Variants in ATP9B observed in about 807,000 individuals in gnomAD.
ATP9B encodes probable phospholipid-transporting ATPase IIB.
A neutral mutation model predicts 146.1 loss-of-function variants in ATP9B; 110 were observed. The ratio of observed to expected loss-of-function variants is 0.75; its 90% CI spans 0.65 to 0.88. The LOEUF (loss-of-function observed/expected upper bound fraction) is 0.88, where lower values mean the gene tolerates loss of function less well. Among genes scored for constraint, ATP9B ranks in the 40% least tolerant of loss-of-function variants. ATP9B has a pLI of 0.00. For synonymous variants in ATP9B, 604 were observed against 569.7 expected, an observed-to-expected ratio of 1.06 and a Z score of -0.86; for missense variants, 1,499 against 1,496.4, an observed-to-expected ratio of 1.00 and a Z score of -0.03.
chr18:79,213,621 C>T (rs1356000599), intron 10 of ATP9B, among the ~76,000 whole-genome samples: 2 of 152,054 alleles, frequency 1.3e-5, no homozygotes, highest in East Asian at 3.8e-4. Context: ...AGGATATAGC[C>T]TCTTAATTGA....
At chr18:79,290,085 G>A (rs1178338421) in intron 13 of ATP9B, among the ~76,000 whole-genome samples, 1 of 152,072 alleles carries the variant, frequency 6.6e-6, no homozygotes, top group Admixed American at 6.6e-5. Context: ...ACTTGAGGAG[G>A]CAGTCTGCCC....
At chr18:79,217,103 C>T (rs1376338568) in intron 11 of ATP9B, among the ~76,000 whole-genome samples, 2 of 152,384 alleles carry the variant, frequency 1.3e-5, no homozygotes, top group East Asian at 1.9e-4. Context: ...AGCCGTGACA[C>T]GTCTCAAGAC....
At chr18:79,084,755 G>A (rs1430677630) in intron 1 of ATP9B, among the ~76,000 whole-genome samples, 2 of 152,070 alleles carry the variant, frequency 1.3e-5, no homozygotes, top group Non-Finnish European at 2.9e-5. Context: ...TGTACTTATT[G>A]TATTTTAAAA....
chr18:79,182,085 G>C (rs918173703), intron 8 of ATP9B, among the ~76,000 whole-genome samples: 1 of 152,160 alleles, frequency 6.6e-6, no homozygotes, highest in African/African-American at 2.4e-5. Flanking sequence ...ATGTCTTCAA[G>C]GCTTGTCCTT....
chr18:79,075,300 T>C (rs1375821210), intron 1 of ATP9B, among the ~76,000 whole-genome samples: 2 of 152,232 alleles, frequency 1.3e-5, no homozygotes, highest in Non-Finnish European at 2.9e-5. Flanking sequence ...AGTAGGCACA[T>C]GCCAACATGC....
chr18:79,128,231 T>G (rs778169499), intron 5 of ATP9B, among the ~76,000 whole-genome samples: 1 of 149,686 alleles, frequency 6.7e-6, no homozygotes, highest in Non-Finnish European at 1.5e-5. Flanking sequence ...GGTGATTTTT[T>G]GTATTTTTAG....
intron 13 of ATP9B, among the ~76,000 whole-genome samples, chr18:79,303,103 C>CA (rs1313307930): frequency 6.6e-6 from 1 of 152,216 alleles, no homozygotes; most frequent in Non-Finnish European, 1.5e-5. Context: ...GCTGCGTGTG[C>CA]AGTGGCTCAC....
At chr18:79,173,721 C>T in intron 7 of ATP9B, 1 of 456,044 alleles carries the variant, frequency 2.2e-6, no homozygotes, top group South Asian at 1.5e-5. Flanking sequence ...ATCTTGATTA[C>T]TGCAGCCATC....
At chr18:79,301,779 G>A (rs2096592196) in intron 13 of ATP9B, among the ~76,000 whole-genome samples, 1 of 152,204 alleles carries the variant, frequency 6.6e-6, no homozygotes, top group Admixed American at 6.5e-5. Context: ...CTATAGAACT[G>A]AGAAGCATCT....
At chr18:79,300,973 G>A (rs969796726) in intron 13 of ATP9B, among the ~76,000 whole-genome samples, 1 of 152,128 alleles carries the variant, frequency 6.6e-6, no homozygotes, top group African/African-American at 2.4e-5. Context: ...TTCACACTAA[G>A]AGAGAAAAGT....
chr18:79,141,726 TTC>T (rs1207095227), intron 5 of ATP9B, among the ~76,000 whole-genome samples: 1 of 152,228 alleles, frequency 6.6e-6, no homozygotes, highest in Non-Finnish European at 1.5e-5. Context: ...TGGGAGATTT[TTC>T]TGTTTTTACC....
At chr18:79,136,290 C>T (rs958722845) in intron 5 of ATP9B, among the ~76,000 whole-genome samples, 4 of 152,084 alleles carry the variant, frequency 2.6e-5, no homozygotes, top group Admixed American at 1.3e-4. Flanking sequence ...AATCTTTTGA[C>T]CCATGTGTGA....
intron 12 of ATP9B, among the ~76,000 whole-genome samples, chr18:79,258,097 ATTAGT>A (rs1256240126): frequency 1.3e-5 from 2 of 152,196 alleles, no homozygotes; most frequent in African/African-American, 4.8e-5. Flanking sequence ...AGTTATGAAA[ATTAGT>A]TTACGCAATA....
At chr18:79,250,020 G>C (rs538839145) in intron 11 of ATP9B, among the ~76,000 whole-genome samples, 1 of 152,162 alleles carries the variant, frequency 6.6e-6, no homozygotes, top group Non-Finnish European at 1.5e-5. Context: ...GTTTAAAGGG[G>C]TTGGGAGAAG....
chr18:79,097,839 G>A (rs1330152828), intron 2 of ATP9B, among the ~76,000 whole-genome samples: 14 of 148,654 alleles, frequency 9.4e-5, no homozygotes, highest in Admixed American at 7.3e-4. Flanking sequence ...ATAAACATAC[G>A]TGTGCATGTG....
chr18:79,275,774 T>C (rs567658001), intron 12 of ATP9B, among the ~76,000 whole-genome samples: 1 of 152,354 alleles, frequency 6.6e-6, no homozygotes, highest in East Asian at 1.9e-4. Flanking sequence ...TTAGTGCTTG[T>C]GTCTTTGATT....
At chr18:79,095,966 A>C (rs2074742926) in intron 1 of ATP9B, among the ~76,000 whole-genome samples, 1 of 152,208 alleles carries the variant, frequency 6.6e-6, no homozygotes, top group Admixed American at 6.5e-5. Flanking sequence ...ATCATTCCCC[A>C]AAGATATAAA....
intron 11 of ATP9B, among the ~76,000 whole-genome samples, chr18:79,224,721 A>G (rs1262342459): frequency 6.6e-6 from 1 of 152,180 alleles, no homozygotes; most frequent in Non-Finnish European, 1.5e-5. Context: ...TCTGCTGAGC[A>G]TGTGTGCCAT....
At chr18:79,295,009 T>C (rs753906423) in intron 13 of ATP9B, among the ~76,000 whole-genome samples, 39 of 152,202 alleles carry the variant, frequency 2.6e-4, no homozygotes, top group Non-Finnish European at 4.3e-4. Context: ...ATCTTTCAAA[T>C]TTACATACAA....
Sources: gnomAD v4.1 joint callset for allele counts (sites outside exome capture counted in the v4.1 genomes callset) on GRCh38, gnomAD v4.1.1 for gene constraint, MANE v1.5 for transcripts, NCBI Gene and HGNC (gene_info 2026-07-23, HGNC 2026-07-21) for gene names.